DSC3: variants seen among roughly 807,000 people sequenced by gnomAD.
DSC3 encodes the protein desmocollin-3.
In DSC3, 97 loss-of-function variants were observed where a neutral mutation model predicts 89.5. The ratio of observed to expected loss-of-function variants is 1.08; its 90% CI spans 0.92 to 1.28. The LOEUF (loss-of-function observed/expected upper bound fraction) is 1.28, where lower values mean the gene tolerates loss of function less well. DSC3 is among the 50% of genes most tolerant of loss of function. The pLI, the probability that DSC3 is intolerant of heterozygous loss-of-function variation, is 0.00. For synonymous variants in DSC3, 436 were observed against 384.1 expected (o/e 1.14, Z -1.58); for missense variants, 1,199 against 1,085.3 (o/e 1.10, Z -1.47).
chr18:31,042,451 T>G, intron 1 of DSC3, 141 bp downstream of exon 1: 1 of 841,908 alleles, frequency 1.2e-6, no homozygotes, highest in Non-Finnish European at 2.0e-6. Context: ...GGCCCGAACT[T>G]GGGGCTGCTA....
chr18:30,996,560 T>C (rs1283783337), intron 15 of DSC3, among the ~76,000 whole-genome samples: 1 of 152,022 alleles, frequency 6.6e-6, no homozygotes, highest in Non-Finnish European at 1.5e-5. Context: ...TGAAGAATAT[T>C]AAAAACATCC....
intron 6 of DSC3, among the ~76,000 whole-genome samples, chr18:31,023,779 T>G (rs1394665916): frequency 1.3e-5 from 2 of 152,142 alleles, no homozygotes; most frequent in Non-Finnish European, 2.9e-5. Flanking sequence ...ACTAAAATAC[T>G]TCAGTTTTCC....
chr18:31,017,072 T>G (rs1985260169), intron 9 of DSC3, among the ~76,000 whole-genome samples: 1 of 152,210 alleles, frequency 6.6e-6, no homozygotes, highest in Admixed American at 6.5e-5. Flanking sequence ...CCTTTCCTAT[T>G]ACTCTCAACT....
intron 9 of DSC3, among the ~76,000 whole-genome samples, chr18:31,014,944 A>T (rs1284538446): frequency 6.6e-6 from 1 of 152,098 alleles, no homozygotes; most frequent in Admixed American, 6.6e-5. Context: ...TGCCTTTTTA[A>T]AAAAATCAAT....
At chr18:30,996,199 T>C (rs1364994174) in intron 15 of DSC3, among the ~76,000 whole-genome samples, 1 of 151,992 alleles carries the variant, frequency 6.6e-6, no homozygotes, top group African/African-American at 2.4e-5. Flanking sequence ...ATTTCAAAAT[T>C]GCAAAGAAAG....
At chr18:31,029,484 C>T (rs901751010) in intron 4 of DSC3, 25 bp downstream of exon 4, 3 of 1,613,376 alleles carry the variant, frequency 1.9e-6, no homozygotes, top group Non-Finnish European at 2.5e-6. Context: ...TAAAGCAACC[C>T]TGACCAGAAA....
intron 14 of DSC3, among the ~76,000 whole-genome samples, chr18:30,997,570 A>G (rs1283673381): frequency 6.6e-6 from 1 of 152,182 alleles, no homozygotes; most frequent in African/African-American, 2.4e-5. Context: ...TAAGTTTCCA[A>G]CATATCAGCT....
In DSC3 at chr18:31,001,626, C is replaced by T. The variant is rs755736392; in HGVS notation, c.2227G>A (p.Asp743Asn). 9 of 1,609,370 alleles carry T rather than the reference C, an allele frequency of 5.6e-6. No homozygotes were observed. The highest frequency in any genetic ancestry group is 4.4e-5 in the South Asian group (4 of 90,338). The part of the protein sequence containing the change: ...IISNTEAPGD[D>N]RVCSANGFMT... ...ATTTAAAAATTACTTACCACTCTAT[C>T]GTCTCCAGGTGCTTCTGTGTTTGAT... Residue 743 changes from aspartate to asparagine, a missense_variant, in exon 14 of 16, where the codon GAT (aspartate) becomes AAT (asparagine). By Grantham distance (23) the Asp-to-Asn change is conservative (BLOSUM62 1). Transcript: ENST00000360428.
intron 14 of DSC3, among the ~76,000 whole-genome samples, chr18:30,999,918 G>A (rs549536007): frequency 2.0e-5 from 3 of 152,144 alleles, no homozygotes; most frequent in African/African-American, 7.2e-5. Flanking sequence ...TTGTGAAATG[G>A]CCACTCAATA....
At chr18:31,037,768 C>G (rs920148770) in intron 1 of DSC3, among the ~76,000 whole-genome samples, 2 of 152,028 alleles carry the variant, frequency 1.3e-5, no homozygotes, top group Non-Finnish European at 2.9e-5. Flanking sequence ...GCTGTGGTGG[C>G]ACAAGCCTGT....
chr18:31,024,639 G>A, intron 5 of DSC3, 146 bp from the exon 6 acceptor site: 2 of 855,236 alleles, frequency 2.3e-6, no homozygotes, highest in Non-Finnish European at 3.5e-6. Flanking sequence ...AATTATCAAA[G>A]CACCAAATGG....
intron 15 of DSC3, 92 bp from the exon 16 acceptor site, chr18:30,994,464 T>C (rs766835878): frequency 1.3e-6 from 2 of 1,597,804 alleles, no homozygotes; most frequent in East Asian, 4.5e-5. Flanking sequence ...CTTTTATGTT[T>C]AATTTTTAAC....
At chr18:31,019,477 C>A (rs1196111672) in intron 7 of DSC3, among the ~76,000 whole-genome samples, 4 of 152,156 alleles carry the variant, frequency 2.6e-5, no homozygotes, top group Admixed American at 6.6e-5. Flanking sequence ...TTAGTTGAAA[C>A]TCCCCTGCAG....
chr18:31,026,011 T>C, intron 4 of DSC3, 96 bp from the exon 5 acceptor site: 1 of 1,203,896 alleles, frequency 8.3e-7, no homozygotes, highest in Non-Finnish European at 1.2e-6. Flanking sequence ...TTTAAAGAGA[T>C]AATTTCAAAA....
Position 31,031,040 on chromosome 18 carries a change from A to G in DSC3, c.287T>C (p.Ile96Thr). The change falls in exon 3 of 16, where the codon ATA (isoleucine) becomes ACA (threonine). Residue 96 changes from isoleucine to threonine, a missense_variant. Coordinates refer to ENST00000360428, the MANE Select transcript of DSC3 (RefSeq NM_001941.5). ...CTGTTTCCTTTTGTCAGAAAGCCAT[A>G]TGGTAAATGATCTTTTCTTATCAGA... ...ALSDKKRSFT[I>T]WLSDKRKQTQ... 6.2e-7 allele frequency: 1 copy of G among 1,614,076 alleles called. No homozygotes were observed. Among genetic ancestry groups the G allele is most frequent in the East Asian group, 2.2e-5 (1 of 44,848 alleles).
In DSC3 at chr18:30,992,293, C is replaced by A. The variant is rs1352460124; in HGVS notation, c.*1882G>T. 1 of 151,944 alleles carries A rather than the reference C, an allele frequency of 6.6e-6. No individual in the cohort carries two copies. Among genetic ancestry groups the A allele is most frequent in the Non-Finnish European group, 1.5e-5 (1 of 68,016 alleles). The allele number at this position is 151,944 out of a possible 1,614,324, so 9.4% of individuals were successfully genotyped here. On this transcript the variant is annotated 3_prime_UTR_variant, in exon 16 of 16. Coordinates refer to ENST00000360428, the MANE Select transcript of DSC3 (RefSeq NM_001941.5). ...TTTAGATAGGCATTTAATTCATAGA[C>A]CTTCTTAGTGCCCAGAAGGAGGGCT...
chr18:30,997,082 A>G, intron 14 of DSC3, 34 bp from the exon 15 acceptor site: 3 of 1,613,440 alleles, frequency 1.9e-6, no homozygotes, highest in Non-Finnish European at 2.5e-6. Flanking sequence ...TCATGTTGAG[A>G]GGAAATGGAT....
intron 1 of DSC3, among the ~76,000 whole-genome samples, chr18:31,032,554 ATGTGTG>A (rs936935279): frequency 0.058 from 5,346 of 92,324 alleles, 117 homozygotes; most frequent in Admixed American, 0.1. Context: ...TTCTGTGTGT[ATGTGTG>A]TGTGTGTGTG....
chr18:31,026,982 T>A (rs929755062), intron 4 of DSC3, among the ~76,000 whole-genome samples: 3 of 152,072 alleles, frequency 2.0e-5, no homozygotes, highest in Non-Finnish European at 2.9e-5. Flanking sequence ...GATTAGAACC[T>A]TTTTACCAGA....
Sources: gnomAD v4.1 joint callset for allele counts (sites outside exome capture counted in the v4.1 genomes callset) on GRCh38, gnomAD v4.1.1 for gene constraint, MANE v1.5 for transcripts, NCBI Gene and HGNC (gene_info 2026-07-23, HGNC 2026-07-21) for gene names.